The following C16orf74 variants were observed in gnomAD, a reference collection of about 807,000 sequenced individuals.
C16orf74 encodes the protein calcimembrin, also known as uncharacterized protein C16orf74.
In C16orf74, 10 loss-of-function variants were observed where a neutral mutation model predicts 6.5. The ratio of observed to expected loss-of-function variants is 1.54; its 90% CI spans 0.95 to 2.61. C16orf74 has a LOEUF of 2.61. Ranked by LOEUF, C16orf74 falls within the 30% of genes most tolerant of loss-of-function variation. The pLI is 0.00. For synonymous variants in C16orf74, 60 were observed against 42.5 expected (o/e 1.41, Z -1.60); for missense variants, 141 against 105.9 (o/e 1.33, Z -1.45).
intron 2 of C16orf74, among the ~76,000 whole-genome samples, chr16:85,728,728 G>A (rs1037571907): frequency 6.6e-6 from 1 of 152,194 alleles, no homozygotes; most frequent in African/African-American, 2.4e-5. Context: ...AAACTCTCGA[G>A]ACCTGACCCA....
intron 2 of C16orf74, among the ~76,000 whole-genome samples, chr16:85,711,170 C>G (rs775412194): frequency 6.6e-6 from 1 of 151,402 alleles, no homozygotes; most frequent in African/African-American, 2.4e-5. Flanking sequence ...GAAAATTAGC[C>G]CGGTGTGGTG....
rs201153293 is a variant in C16orf74, at chr16:85,716,477, GGA to G, written c.29-6172_29-6171del. Among the ~76,000 whole-genome samples, 426 of 142,128 alleles carry G rather than the reference GGA, an allele frequency of 3.0e-3. 3 individuals carry two copies. The highest frequency in any genetic ancestry group is 0.01 in the African/African-American group (395 of 37,730). 93.2% of individuals were successfully genotyped at this position (142,128 alleles called of 152,430 possible). ...AGAGAGGAGGGAGAGGAAGGGAGGA[GGA>G]GAGAGGGGACGAAGGAGAGGAGGAA... On this transcript the variant is annotated intron_variant, in intron 2 of 3. Transcript: ENST00000284245.
At chr16:85,731,386 G>C (rs391278) in intron 2 of C16orf74, among the ~76,000 whole-genome samples, 40,958 of 152,274 alleles carry the variant, frequency 0.27, 5,894 homozygotes, top group Middle Eastern at 0.37. Flanking sequence ...AATCGTTAAG[G>C]GGCAGAGCTG....
intron 1 of C16orf74, among the ~76,000 whole-genome samples, chr16:85,745,139 T>TA (rs10554549): frequency 0.031 from 1,604 of 50,948 alleles, 189 homozygotes; most frequent in African/African-American, 0.12. Context: ...AAACTCTGTC[T>TA]AAAAAAAAAA....
At chr16:85,720,090 G>A (rs1203166318) in intron 2 of C16orf74, among the ~76,000 whole-genome samples, 2 of 150,776 alleles carry the variant, frequency 1.3e-5, no homozygotes, top group Non-Finnish European at 1.5e-5. Context: ...GGAAAGCTTT[G>A]TGTTATTATG....
At chr16:85,742,611 G>T (rs1315471955) in intron 1 of C16orf74, among the ~76,000 whole-genome samples, 1 of 151,986 alleles carries the variant, frequency 6.6e-6, no homozygotes, top group Non-Finnish European at 1.5e-5. Flanking sequence ...GTGCGATCTC[G>T]GCTCACTGCA....
chr16:85,735,375 A>T (rs1284040895), intron 1 of C16orf74, 140 bp from the exon 2 acceptor site: 2 of 473,360 alleles, frequency 4.2e-6, no homozygotes, highest in Admixed American at 4.3e-5. Flanking sequence ...CCTCCAGGTC[A>T]TGCCACCTGT....
chr16:85,746,306 C>A (rs59209071), intron 1 of C16orf74, among the ~76,000 whole-genome samples: 1 of 152,136 alleles, frequency 6.6e-6, no homozygotes, highest in Non-Finnish European at 1.5e-5. Flanking sequence ...GTGGAGATCG[C>A]GCCACTGCAC....
In C16orf74 at chr16:85,735,237, T is replaced by C; in HGVS notation, c.-18-2A>G. On this transcript the variant is annotated splice_acceptor_variant, in intron 1 of 3. Transcript: ENST00000284245. LOFTEE classifies it low-confidence loss of function (5UTR_SPLICE). ...CCCCATGTCGGCACCTCTGCAGGCC[T>C]GTGGAGAGAGGACAGCGCTGAGAGA... 1 of 1,582,014 alleles carries C rather than the reference T, an allele frequency of 6.3e-7. No homozygotes were observed. The highest frequency in any genetic ancestry group is 1.7e-4 in the Middle Eastern group (1 of 5,982).
chr16:85,708,860 C>T (rs1404148134), intron 3 of C16orf74, among the ~76,000 whole-genome samples: 2 of 152,220 alleles, frequency 1.3e-5, no homozygotes, highest in Non-Finnish European at 2.9e-5. Context: ...CTACACCAGC[C>T]TCATGGGTGC....
chr16:85,723,397 T>A lies in C16orf74; in HGVS notation c.28+11793A>T, dbSNP rs550441216. 6.8e-3 allele frequency among the ~76,000 whole-genome samples: 1,007 copies of A among 148,358 alleles called. 9 individuals carry two copies. The highest frequency in any genetic ancestry group is 0.024 in the African/African-American group (962 of 39,914). On this transcript the variant is annotated intron_variant, in intron 2 of 3. Transcript: ENST00000284245. ...GCCTGGGCAACATAGCAAGATCCCATCTGTACTAAAAAAAAAAAAAAAGTT... is the reference window on the plus strand; with the variant it reads ...GCCTGGGCAACATAGCAAGATCCCAACTGTACTAAAAAAAAAAAAAAAGTT...
intron 2 of C16orf74, among the ~76,000 whole-genome samples, chr16:85,722,996 T>A (rs1312305965): frequency 6.6e-6 from 1 of 152,180 alleles, no homozygotes; most frequent in African/African-American, 2.4e-5. Context: ...TTCAGGCTCA[T>A]GCCTGAAATC....
intron 1 of C16orf74, among the ~76,000 whole-genome samples, chr16:85,742,001 A>T (rs1278396562): frequency 6.6e-6 from 1 of 152,170 alleles, no homozygotes; most frequent in Non-Finnish European, 1.5e-5. Flanking sequence ...ATCTCTCATG[A>T]ACAGCTTGCT....
At chr16:85,748,929 T>A (rs1321579084) in intron 1 of C16orf74, among the ~76,000 whole-genome samples, 1 of 17,664 alleles carries the variant, frequency 5.7e-5, no homozygotes, top group Non-Finnish European at 4.3e-4. Context: ...GCTTTGATTT[T>A]TTTTTTTTTT....
intron 2 of C16orf74, among the ~76,000 whole-genome samples, chr16:85,715,696 G>C (rs2054016515): frequency 1.3e-5 from 2 of 152,206 alleles, no homozygotes; most frequent in South Asian, 2.1e-4. Context: ...CATCAGGCAG[G>C]ATTGGGTCTC....
chr16:85,731,166 T>C (rs1195223444), intron 2 of C16orf74, among the ~76,000 whole-genome samples: 1 of 152,228 alleles, frequency 6.6e-6, no homozygotes, highest in Non-Finnish European at 1.5e-5. Context: ...GGATGCAGGA[T>C]GCCTCAGTTT....
At chr16:85,742,169 T>C (rs1048506814) in intron 1 of C16orf74, among the ~76,000 whole-genome samples, 1 of 152,140 alleles carries the variant, frequency 6.6e-6, no homozygotes, top group Non-Finnish European at 1.5e-5. Flanking sequence ...GGTCAGGAGT[T>C]TGAGACCAGC....
chr16:85,728,389 A>G (rs535465022), intron 2 of C16orf74, among the ~76,000 whole-genome samples: 1 of 152,288 alleles, frequency 6.6e-6, no homozygotes, highest in East Asian at 1.9e-4. Flanking sequence ...CCCAGGACAA[A>G]GCCTTCATCT....
intron 2 of C16orf74, among the ~76,000 whole-genome samples, chr16:85,728,795 C>T (rs763100383): frequency 5.3e-5 from 8 of 152,164 alleles, no homozygotes; most frequent in East Asian, 3.8e-4. Context: ...GGCCTGGGCA[C>T]GGGAAGTGAC....
Sources: allele counts gnomAD v4.1 joint callset (sites outside exome capture counted in the v4.1 genomes callset), GRCh38; gene constraint gnomAD v4.1.1; transcripts MANE v1.5; gene names NCBI Gene and HGNC (gene_info 2026-07-23, HGNC 2026-07-21).